ADARB1: variants seen among roughly 807,000 people sequenced by gnomAD.
The protein encoded by ADARB1 is double-stranded RNA-specific editase 1.
Under a neutral mutation model 52.4 loss-of-function variants are expected in ADARB1, and 10 were observed. The observed-to-expected ratio is 0.19, with a 90% confidence interval of 0.12 to 0.32. ADARB1 has a LOEUF of 0.32. ADARB1 is among the 10% of genes least tolerant of loss of function. The probability of loss-of-function intolerance (pLI) is 1.00; values close to 1 mark genes in which losing one functional copy is unlikely to be tolerated. For synonymous variants in ADARB1, 349 were observed against 371.1 expected, an observed-to-expected ratio of 0.94 and a Z score of 0.68; for missense variants, 643 against 922.3, an observed-to-expected ratio of 0.70 and a Z score of 3.92.
At chr21:45,134,035 G>A (rs1177457050) in intron 2 of ADARB1, among the ~76,000 whole-genome samples, 2 of 116,842 alleles carry the variant, frequency 1.7e-5, no homozygotes, top group African/African-American at 3.4e-5. Flanking sequence ...TGGTGTGTGC[G>A]CCCGATGGGT....
chr21:45,183,344 C>A lies in ADARB1; in HGVS notation c.1248-18C>A. On this transcript the variant is annotated intron_variant, in intron 6 of 10. Transcript: ENST00000348831. Reference sequence around the variant, plus strand: ...TATACAGCTTTAAATGTTACTTTTGCAACTTTTTTCCTTTCAGTAACAAAG... The same window carrying A: ...TATACAGCTTTAAATGTTACTTTTGAAACTTTTTTCCTTTCAGTAACAAAG... 1 of 1,589,904 alleles carries A rather than the reference C, an allele frequency of 6.3e-7. No homozygotes were observed. The highest frequency in any genetic ancestry group is 1.2e-5 in the South Asian group (1 of 86,008).
At chr21:45,084,207 G>GT (rs1383667437) in intron 1 of ADARB1, among the ~76,000 whole-genome samples, 2 of 152,206 alleles carry the variant, frequency 1.3e-5, no homozygotes, top group African/African-American at 4.8e-5. Flanking sequence ...GAAGACTATT[G>GT]TAAGTCAGAG....
At chr21:45,097,080 A>G (rs1036704196) in intron 1 of ADARB1, among the ~76,000 whole-genome samples, 1 of 151,722 alleles carries the variant, frequency 6.6e-6, no homozygotes, top group Non-Finnish European at 1.5e-5. Context: ...TTCCTCTTCA[A>G]GTCCGGTTTC....
chr21:45,075,841 T>C (rs2085911494), intron 1 of ADARB1, among the ~76,000 whole-genome samples: 1 of 152,248 alleles, frequency 6.6e-6, no homozygotes, highest in Admixed American at 6.5e-5. Context: ...TACTTCCTTC[T>C]TACTAACCAT....
chr21:45,123,957 A>G (rs1007464130), intron 1 of ADARB1, among the ~76,000 whole-genome samples: 3 of 152,214 alleles, frequency 2.0e-5, no homozygotes, highest in African/African-American at 4.8e-5. Flanking sequence ...CCATGTAAGA[A>G]TGCATCCCCA....
intron 1 of ADARB1, among the ~76,000 whole-genome samples, chr21:45,087,928 T>C (rs1466868213): frequency 2.0e-5 from 3 of 152,208 alleles, no homozygotes; most frequent in East Asian, 1.9e-4. Context: ...TGGTGAGCAA[T>C]GTGAAACGAC....
chr21:45,179,073 G>T (rs180875718), intron 4 of ADARB1, among the ~76,000 whole-genome samples: 63 of 151,954 alleles, frequency 4.1e-4, no homozygotes, highest in Non-Finnish European at 7.4e-4. Context: ...CGAATGAATC[G>T]CCCTTTCCCT....
chr21:45,093,173 G>A (rs1403219448), intron 1 of ADARB1, among the ~76,000 whole-genome samples: 1 of 152,144 alleles, frequency 6.6e-6, no homozygotes, highest in Non-Finnish European at 1.5e-5. Context: ...TCTGTGCCTG[G>A]ACCTCGCCCC....
intron 2 of ADARB1, among the ~76,000 whole-genome samples, chr21:45,152,031 C>CG: frequency 6.6e-6 from 1 of 152,108 alleles, no homozygotes; most frequent in East Asian, 1.9e-4. Flanking sequence ...TCTCTGGGGG[C>CG]GGGGGGATCC....
intron 1 of ADARB1, among the ~76,000 whole-genome samples, chr21:45,107,009 C>A (rs138471408): frequency 6.6e-6 from 1 of 152,204 alleles, no homozygotes; most frequent in South Asian, 2.1e-4. Context: ...TTGGGAGTAT[C>A]TGGAAAACCC....
Position 45,180,330 on chromosome 21 carries a change from G to A in ADARB1, c.964G>A (p.Val322Ile). The change falls in exon 5 of 11, where the codon GTT (valine) becomes ATT (isoleucine). Residue 322 changes from valine to isoleucine, a missense_variant and splice_region_variant. Val to Ile is a conservative substitution (Grantham distance 29). Transcript: ENST00000348831. ...SEGLQLHLPQ[V>I]LADAVSRLVL... Reference sequence around the variant, plus strand: ...ACCTGCATCTGTGCTTCCCACACAGGTTTTAGCTGACGCTGTCTCACGCCT... The same window carrying A: ...ACCTGCATCTGTGCTTCCCACACAGATTTTAGCTGACGCTGTCTCACGCCT... 1 of 1,613,322 alleles carries A rather than the reference G, an allele frequency of 6.2e-7. No homozygotes were observed. The highest frequency in any genetic ancestry group is 8.5e-7 in the Non-Finnish European group (1 of 1,179,434).
At chr21:45,122,948 G>A (rs1458084817) in intron 1 of ADARB1, among the ~76,000 whole-genome samples, 1 of 152,192 alleles carries the variant, frequency 6.6e-6, no homozygotes, top group African/African-American at 2.4e-5. Flanking sequence ...CAGGCAGACA[G>A]CTGGTTGCAG....
At chr21:45,189,038 T>G (rs967746827) in intron 8 of ADARB1, among the ~76,000 whole-genome samples, 1 of 152,190 alleles carries the variant, frequency 6.6e-6, no homozygotes, top group Non-Finnish European at 1.5e-5. Flanking sequence ...ATGATACTTA[T>G]TCACTATCAC....
rs947850815 is a variant in ADARB1 at position 45,224,758 on chromosome 21, A to G, written c.*2561A>G. 1.0e-6 allele frequency: 1 copy of G among 953,314 alleles called. No homozygotes were observed. The highest frequency in any genetic ancestry group is 4.9e-5 in the South Asian group (1 of 20,510). The allele number at this position is 953,314 out of a possible 1,614,324, so 59.1% of individuals were successfully genotyped here. On this transcript the variant is annotated 3_prime_UTR_variant, in exon 11 of 11. Coordinates refer to ENST00000348831, the MANE Select transcript of ADARB1 (RefSeq NM_001112.4). Reference sequence around the variant, plus strand: ...GGCTGTGGGGAGGAAGGTGACGTGCAGGGGACCAGAGGCTCTGCACTGCTC... The same window carrying G: ...GGCTGTGGGGAGGAAGGTGACGTGCGGGGGACCAGAGGCTCTGCACTGCTC...
intron 1 of ADARB1, among the ~76,000 whole-genome samples, chr21:45,111,054 T>A (rs910582219): frequency 3.3e-5 from 5 of 152,088 alleles, no homozygotes; most frequent in Admixed American, 1.3e-4. Context: ...TTGAGAAGCG[T>A]TACGCAAGCA....
At chr21:45,140,637 GTGTA>G (rs1029996425) in intron 2 of ADARB1, among the ~76,000 whole-genome samples, 90 of 152,282 alleles carry the variant, frequency 5.9e-4, no homozygotes, top group African/African-American at 2.1e-3. Context: ...GTGTGCGTGA[GTGTA>G]TGTGTGTGTG....
In ADARB1 at chr21:45,157,557, G is replaced by T. The variant is rs114245654; in HGVS notation, c.-47-14053G>T. 3.3e-3 allele frequency among the ~76,000 whole-genome samples: 507 copies of T among 152,268 alleles called. 2 individuals carry two copies. The highest frequency in any genetic ancestry group is 0.012 in the African/African-American group (487 of 41,536). On this transcript the variant is annotated intron_variant, in intron 2 of 10. Coordinates refer to ENST00000348831, the MANE Select transcript of ADARB1 (RefSeq NM_001112.4). This position sits in a 1 kb window ranked among gnomAD's most constrained non-coding sequence, Gnocchi z 4.1. The stretch of plus-strand genomic sequence containing the variant: ...TGTGCCGGCTCTGACCTGTGATTTT[G>T]TTGCTGGATGTCTCCTTCAGCAGTT...
chr21:45,169,552 G>T (rs1292564040), intron 2 of ADARB1, among the ~76,000 whole-genome samples: 5 of 152,184 alleles, frequency 3.3e-5, no homozygotes, highest in African/African-American at 1.2e-4. Flanking sequence ...CCCCTGGCTT[G>T]TCAGCTTTCT....
At chr21:45,210,260 T>C (rs936444820) in intron 9 of ADARB1, among the ~76,000 whole-genome samples, 1 of 152,216 alleles carries the variant, frequency 6.6e-6, no homozygotes, top group Non-Finnish European at 1.5e-5. Flanking sequence ...CTGAAAGGAA[T>C]TGAGCTCCCC....
Sources: allele counts gnomAD v4.1 joint callset (sites outside exome capture counted in the v4.1 genomes callset), GRCh38; gene constraint gnomAD v4.1.1; non-coding constraint Gnocchi (gnomAD v3.1); transcripts MANE v1.5; gene names NCBI Gene and HGNC (gene_info 2026-07-23, HGNC 2026-07-21).